Variants in KHDRBS2 observed in about 807,000 individuals in gnomAD.
KHDRBS2 encodes KH domain-containing, RNA-binding, signal transduction-associated protein 2.
KHDRBS2 carries 26 observed loss-of-function variants against 44.3 expected under a neutral mutation model. That is an observed-to-expected ratio of 0.59 (90% confidence interval 0.43 to 0.81). The LOEUF (loss-of-function observed/expected upper bound fraction) is 0.81. Ranked by LOEUF, KHDRBS2 falls within the 40% of genes least tolerant of loss-of-function variation. The pLI, the probability that KHDRBS2 is intolerant of heterozygous loss-of-function variation, is 0.00. For missense variants in KHDRBS2, 476 were observed against 433.1 expected (o/e 1.10, Z -0.88); for synonymous variants, 194 against 151.1 (o/e 1.28, Z -2.08).
intron 6 of KHDRBS2, among the ~76,000 whole-genome samples, chr6:61,767,283 C>A (rs1780155604): frequency 2.6e-5 from 4 of 151,954 alleles, no homozygotes; most frequent in Non-Finnish European, 5.9e-5. Flanking sequence ...TACTCCTCCT[C>A]TTTTTTGGAT....
chr6:62,133,552 C>A (rs926886638), intron 2 of KHDRBS2, among the ~76,000 whole-genome samples: 1 of 152,028 alleles, frequency 6.6e-6, no homozygotes, highest in African/African-American at 2.4e-5. Flanking sequence ...TAAGTTGGTA[C>A]CAGTAGAGTG....
At chr6:61,725,882 A>T (rs1562040220) in intron 7 of KHDRBS2, among the ~76,000 whole-genome samples, 1 of 152,128 alleles carries the variant, frequency 6.6e-6, no homozygotes, top group Non-Finnish European at 1.5e-5. Context: ...TACAAAGATG[A>T]GCTAGTAGTG....
intron 3 of KHDRBS2, among the ~76,000 whole-genome samples, chr6:62,040,961 G>T (rs1786354888): frequency 6.6e-6 from 1 of 152,110 alleles, no homozygotes; most frequent in African/African-American, 2.4e-5. Flanking sequence ...TCCACAGAAT[G>T]TGAAATTTAA....
Position 61,811,341 on chromosome 6 carries a change from C to G in KHDRBS2, c.811-78577G>C, listed in dbSNP as rs568504982. On this transcript the variant is annotated intron_variant, in intron 6 of 8. Transcript: ENST00000281156. ...GTATATGTACCACATTTACTTTATC[C>G]AATCCACCACTGATGGGCACCTAGG... 1.4e-4 allele frequency among the ~76,000 whole-genome samples: 22 copies of G among 152,198 alleles called. 1 individual carries two copies. In the South Asian group the frequency reaches 4.6e-3, roughly 32 times the overall value.
chr6:61,784,209 G>A (rs191757553), intron 6 of KHDRBS2, among the ~76,000 whole-genome samples: 19 of 151,752 alleles, frequency 1.3e-4, no homozygotes, highest in Admixed American at 7.2e-4. Context: ...AAAATTTTTA[G>A]TATTTTAGGA....
intron 3 of KHDRBS2, among the ~76,000 whole-genome samples, chr6:61,980,973 G>A (rs1196858452): frequency 1.3e-5 from 2 of 152,122 alleles, no homozygotes; most frequent in South Asian, 2.1e-4. Context: ...TGGGATGTAT[G>A]TTATACACAT....
chr6:62,185,080 C>G (rs1482587649), intron 1 of KHDRBS2, among the ~76,000 whole-genome samples: 1 of 151,772 alleles, frequency 6.6e-6, no homozygotes. Context: ...TAAAGTAAAT[C>G]TTTCAAATGA....
intron 4 of KHDRBS2, among the ~76,000 whole-genome samples, chr6:61,960,244 C>A (rs761749411): frequency 6.6e-5 from 10 of 151,952 alleles, no homozygotes; most frequent in Non-Finnish European, 1.3e-4. Context: ...ATTCTCTTGT[C>A]CTTAATCTAG....
At chr6:61,543,490 A>G in the KHDRBS2 span, among the ~76,000 whole-genome samples, 6 of 152,082 alleles carry the variant, frequency 3.9e-5, no homozygotes, top group Non-Finnish European at 8.8e-5. Flanking sequence ...CTCATACACT[A>G]ATTGACTAAA....
At chr6:61,766,046 G>A (rs1481911346) in intron 6 of KHDRBS2, among the ~76,000 whole-genome samples, 2 of 152,010 alleles carry the variant, frequency 1.3e-5, no homozygotes, top group African/African-American at 2.4e-5. Flanking sequence ...TAATTTGAGA[G>A]GATTGGTGTT....
intron 1 of KHDRBS2, among the ~76,000 whole-genome samples, chr6:62,263,558 T>C (rs992433291): frequency 1.3e-5 from 2 of 151,768 alleles, no homozygotes; most frequent in Non-Finnish European, 3.0e-5. Context: ...ATTGTTTTCA[T>C]ATTTTATGAT....
chr6:62,208,371 A>C (rs1042819588), intron 1 of KHDRBS2, among the ~76,000 whole-genome samples: 5 of 152,196 alleles, frequency 3.3e-5, no homozygotes, highest in Non-Finnish European at 5.9e-5. Context: ...CTGGGACTAC[A>C]GGGCACACCA....
chr6:61,922,862 C>T (rs1808305270), intron 4 of KHDRBS2, among the ~76,000 whole-genome samples: 1 of 151,982 alleles, frequency 6.6e-6, no homozygotes, highest in Non-Finnish European at 1.5e-5. Context: ...ATATGTTTAT[C>T]ACTTAATATG....
At chr6:62,028,538 C>T (rs903649854) in intron 3 of KHDRBS2, among the ~76,000 whole-genome samples, 2 of 151,966 alleles carry the variant, frequency 1.3e-5, no homozygotes, top group African/African-American at 4.8e-5. Flanking sequence ...ATTCTTATGG[C>T]CAGTATATAA....
At chr6:62,216,088 T>C (rs145203472) in intron 1 of KHDRBS2, among the ~76,000 whole-genome samples, 6 of 151,908 alleles carry the variant, frequency 3.9e-5, no homozygotes, top group Admixed American at 3.9e-4. Flanking sequence ...TTAACCCAAC[T>C]AGATTCAACA....
chr6:61,651,626 C>T, the KHDRBS2 span, among the ~76,000 whole-genome samples: 11 of 152,232 alleles, frequency 7.2e-5, no homozygotes, highest in East Asian at 2.1e-3. Flanking sequence ...AGTAAGATTA[C>T]ATATCTTGTC....
At chr6:61,579,569 G>C in the KHDRBS2 span, among the ~76,000 whole-genome samples, 41 of 152,310 alleles carry the variant, frequency 2.7e-4, no homozygotes, top group African/African-American at 9.1e-4. Flanking sequence ...ATGATGGACT[G>C]ATGACAGCTA....
chr6:62,116,519 G>T (rs1806266953), intron 2 of KHDRBS2, among the ~76,000 whole-genome samples: 1 of 152,018 alleles, frequency 6.6e-6, no homozygotes, highest in African/African-American at 2.4e-5. Context: ...GGGTACATGT[G>T]ATATTTTGAT....
In KHDRBS2 at chr6:62,173,767, G is replaced by T. The variant is rs566495481; in HGVS notation, c.219+3418C>A. The stretch of plus-strand genomic sequence containing the variant: ...GAGAAGCAAGGTTGGCTTAACATAT[G>T]CAAATCAATAAATGTGATTATTCAC... On this transcript the variant is annotated intron_variant, in intron 2 of 8. Coordinates refer to ENST00000281156, the MANE Select transcript of KHDRBS2 (RefSeq NM_152688.4). Among the ~76,000 whole-genome samples the T allele has an allele frequency of 2.6e-5, 4 of 151,992 alleles. No individual in the cohort carries two copies. In the South Asian group the frequency reaches 8.3e-4, roughly 31 times the overall value.
Sources: allele counts gnomAD v4.1 joint callset (sites outside exome capture counted in the v4.1 genomes callset), GRCh38; gene constraint gnomAD v4.1.1; transcripts MANE v1.5; gene names NCBI Gene and HGNC (gene_info 2026-07-23, HGNC 2026-07-21).